The following STAC variants were observed in gnomAD, a reference collection of about 807,000 sequenced individuals.
The protein encoded by STAC is SH3 and cysteine rich domain, also known as SH3 and cysteine-rich domain-containing protein.
In STAC, 43 loss-of-function variants were observed where a neutral mutation model predicts 48.8. The observed-to-expected ratio is 0.88, with a 90% CI of 0.69 to 1.14. STAC has a LOEUF of 1.14. Among genes scored for constraint, STAC ranks in the 50% most tolerant of loss-of-function variants. The pLI is 0.00. For missense variants in STAC, 497 were observed against 504.0 expected (o/e 0.99, Z 0.13); for synonymous variants, 193 against 179.5 (o/e 1.07, Z -0.60).
chr3:36,528,389 A>G (rs1698986110), intron 8 of STAC, among the ~76,000 whole-genome samples: 2 of 151,994 alleles, frequency 1.3e-5, no homozygotes, highest in African/African-American at 4.8e-5. Context: ...GAATAGCTTG[A>G]ACCAGCGAGT....
At chr3:36,473,702 T>C (rs1298163342) in intron 2 of STAC, among the ~76,000 whole-genome samples, 1 of 152,184 alleles carries the variant, frequency 6.6e-6, no homozygotes, top group South Asian at 2.1e-4. Context: ...CATATTCACA[T>C]ATGAACACCC....
intron 10 of STAC, among the ~76,000 whole-genome samples, chr3:36,530,715 C>G (rs1034144163): frequency 6.6e-6 from 1 of 151,426 alleles, no homozygotes; most frequent in Non-Finnish European, 1.5e-5. Context: ...CCTGCCTCAG[C>G]CTCCGGAGCA....
At chr3:36,517,307 C>T (rs954376715) in intron 8 of STAC, among the ~76,000 whole-genome samples, 2 of 152,146 alleles carry the variant, frequency 1.3e-5, no homozygotes, top group African/African-American at 4.8e-5. Flanking sequence ...CTGAAAATTA[C>T]ACTTTATGGA....
intron 1 of STAC, among the ~76,000 whole-genome samples, chr3:36,395,024 TAG>T (rs1227920195): frequency 4.0e-5 from 4 of 100,380 alleles, no homozygotes; most frequent in East Asian, 4.7e-4. Flanking sequence ...AAAAGATATA[TAG>T]ATATATATAT....
chr3:36,495,919 A>G (rs1003693458), intron 6 of STAC, among the ~76,000 whole-genome samples: 1 of 152,230 alleles, frequency 6.6e-6, no homozygotes, highest in African/African-American at 2.4e-5. Context: ...GGATCTGCAT[A>G]TGAATCTGTG....
intron 1 of STAC, among the ~76,000 whole-genome samples, chr3:36,430,378 T>C (rs1328650591): frequency 6.6e-6 from 1 of 152,086 alleles, no homozygotes; most frequent in South Asian, 2.1e-4. Context: ...GGCAGGGCAT[T>C]AGAAGCAATA....
At chr3:36,492,470 T>C (rs941200594) in intron 5 of STAC, among the ~76,000 whole-genome samples, 3 of 152,176 alleles carry the variant, frequency 2.0e-5, no homozygotes, top group Non-Finnish European at 4.4e-5. Context: ...TCTGAAAAAT[T>C]GGTCTATCAT....
chr3:36,415,742 T>A (rs1700305708), intron 1 of STAC, among the ~76,000 whole-genome samples: 1 of 152,214 alleles, frequency 6.6e-6, no homozygotes, highest in Admixed American at 6.5e-5. Flanking sequence ...CTGTTCCTAT[T>A]TGGCCATCTT....
chr3:36,494,151 CAAA>C (rs751587518), intron 6 of STAC, among the ~76,000 whole-genome samples: 4 of 56,904 alleles, frequency 7.0e-5, no homozygotes, highest in Admixed American at 2.0e-4. Flanking sequence ...GACTCCGTCT[CAAA>C]AAAAAAAAAA....
At chr3:36,382,454 C>T (rs978101081) in intron 1 of STAC, among the ~76,000 whole-genome samples, 5 of 152,176 alleles carry the variant, frequency 3.3e-5, no homozygotes, top group Non-Finnish European at 5.9e-5. Flanking sequence ...TAATTATCCA[C>T]CAATTTATCT....
At chr3:36,511,820 C>G (rs904894443) in intron 8 of STAC, among the ~76,000 whole-genome samples, 1 of 152,190 alleles carries the variant, frequency 6.6e-6, no homozygotes, top group African/African-American at 2.4e-5. Context: ...TTCACCTACC[C>G]AAACTCTTAT....
chr3:36,498,324 T>C (rs1165293282), intron 6 of STAC, among the ~76,000 whole-genome samples: 1 of 152,126 alleles, frequency 6.6e-6, no homozygotes, highest in Non-Finnish European at 1.5e-5. Context: ...AGAGAATTAG[T>C]TCCCTAAAAT....
At chr3:36,493,053 A>T (rs1698033848) in intron 5 of STAC, 98 bp from the exon 6 acceptor site, 1 of 1,160,626 alleles carries the variant, frequency 8.6e-7, no homozygotes, top group East Asian at 2.5e-5. Context: ...CTTATGTGTC[A>T]TGCAAATTCT....
chr3:36,387,535 T>C (rs911787949), intron 1 of STAC, among the ~76,000 whole-genome samples: 5 of 152,106 alleles, frequency 3.3e-5, no homozygotes, highest in Admixed American at 6.5e-5. Flanking sequence ...TTCCTTTTTA[T>C]CTATATGAAT....
chr3:36,466,374 T>G (rs142856773), intron 2 of STAC, among the ~76,000 whole-genome samples: 4,792 of 152,186 alleles, frequency 0.031, 225 homozygotes, highest in African/African-American at 0.11. Context: ...TCTTGCTTTG[T>G]CTATGTGGGC....
At chr3:36,448,164 T>TTTTAC in intron 2 of STAC, among the ~76,000 whole-genome samples, 1 of 134,216 alleles carries the variant, frequency 7.5e-6, no homozygotes, top group South Asian at 2.4e-4. Context: ...CAGAATTTTA[T>TTTTAC]TTTATTTTAT....
intron 1 of STAC, among the ~76,000 whole-genome samples, chr3:36,414,412 C>A (rs1172220529): frequency 6.6e-6 from 1 of 152,152 alleles, no homozygotes; most frequent in Non-Finnish European, 1.5e-5. Context: ...CTTCTCGCTT[C>A]ATTTCATTCA....
intron 1 of STAC, among the ~76,000 whole-genome samples, chr3:36,394,062 T>C (rs1043315577): frequency 1.3e-5 from 2 of 152,058 alleles, no homozygotes; most frequent in African/African-American, 4.8e-5. Flanking sequence ...GGGTGCTTCT[T>C]GTTGAGTAAA....
chr3:36,473,449 G>T (rs1482218456), intron 2 of STAC, among the ~76,000 whole-genome samples: 1 of 152,136 alleles, frequency 6.6e-6, no homozygotes, highest in Non-Finnish European at 1.5e-5. Flanking sequence ...ACACCCTCTA[G>T]CCATCACACC....
Sources: allele counts gnomAD v4.1 joint callset (sites outside exome capture counted in the v4.1 genomes callset), GRCh38; gene constraint gnomAD v4.1.1; transcripts MANE v1.5; gene names NCBI Gene and HGNC (gene_info 2026-07-23, HGNC 2026-07-21).